SRP68: variants seen among roughly 807,000 people sequenced by gnomAD.
The protein encoded by SRP68 is signal recognition particle 68, also known as signal recognition particle subunit SRP68.
SRP68 carries 15 observed loss-of-function variants against 82.2 expected under a neutral mutation model. The ratio of observed to expected loss-of-function variants is 0.18; its 90% CI spans 0.12 to 0.28. SRP68 has a LOEUF of 0.28. Among genes scored for constraint, SRP68 ranks in the 10% least tolerant of loss-of-function variants. SRP68 has a pLI of 1.00. For synonymous variants in SRP68, 261 were observed against 292.6 expected, an observed-to-expected ratio of 0.89 and a Z score of 1.10; for missense variants, 595 against 780.5, an observed-to-expected ratio of 0.76 and a Z score of 2.83.
intron 7 of SRP68, 45 bp downstream of exon 7, chr17:76,060,263 G>T: frequency 7.5e-7 from 1 of 1,338,766 alleles, no homozygotes; most frequent in Non-Finnish European, 1.1e-6. Context: ...ACTCCTTCTG[G>T]ACTTTGTCCA....
rs1473240115 is a variant in SRP68 at position 76,039,131 on chromosome 17, G to A, written c.*575C>T. 2 of 326,736 alleles carry A rather than the reference G, an allele frequency of 6.1e-6. No homozygotes were observed. The highest frequency in any genetic ancestry group is 1.2e-5 in the Non-Finnish European group (2 of 162,386). The allele number at this position is 326,736 out of a possible 1,614,324, so 20.2% of individuals were successfully genotyped here. A position where few individuals can be genotyped will look rare whatever the true frequency, so the allele number is the denominator to read the frequency against. On this transcript the variant is annotated 3_prime_UTR_variant, in exon 16 of 16. Coordinates refer to ENST00000307877, the MANE Select transcript of SRP68 (RefSeq NM_014230.4). ...CCGTCATCTTTGCCTTTTAATATAA[G>A]ATTTGGTTTCATCATTTCTGAGTGT...
intron 3 of SRP68, among the ~76,000 whole-genome samples, chr17:76,065,721 TG>T (rs573528656): frequency 3.5e-4 from 54 of 152,288 alleles, no homozygotes; most frequent in Non-Finnish European, 6.3e-4. Context: ...CTCCTCTGTG[TG>T]GGCTTACTGA....
In SRP68 at chr17:76,047,900, C is replaced by A. The variant is rs1397570023; in HGVS notation, c.1142+6G>T. ...TAAAAAGTAAAAAAATTAAAATAAC[C>A]CTTACCTATGCAAGTATTGAAGATT... On this transcript the variant is annotated splice_donor_region_variant and intron_variant, in intron 10 of 15. Coordinates refer to ENST00000307877, the MANE Select transcript of SRP68 (RefSeq NM_014230.4). 1 of 1,495,804 alleles carries A rather than the reference C, an allele frequency of 6.7e-7. No individual in the cohort carries two copies. Among genetic ancestry groups the A allele is most frequent in the Non-Finnish European group, 9.0e-7 (1 of 1,108,090 alleles). 92.7% of individuals were successfully genotyped at this position (1,495,804 alleles called of 1,614,324 possible).
intron 1 of SRP68, among the ~76,000 whole-genome samples, 154 bp from the exon 2 acceptor site, chr17:76,070,598 TG>T (rs2066843610): frequency 6.6e-6 from 1 of 152,102 alleles, no homozygotes; most frequent in African/African-American, 2.4e-5. Context: ...CCCAGCACTG[TG>T]GGAGGCCGAG....
Position 76,072,450 on chromosome 17 carries a change from G to A in SRP68, c.42C>T (p.Gly14=), listed in dbSNP as rs542137334. 2.9e-5 allele frequency: 45 copies of A among 1,575,408 alleles called. No homozygotes were observed. The highest frequency in any genetic ancestry group is 2.6e-4 in the African/African-American group (19 of 73,788). Residue 14 remains glycine, a synonymous_variant, in exon 1 of 16, where the codon GGC becomes GGT. Coordinates refer to ENST00000307877, the MANE Select transcript of SRP68 (RefSeq NM_014230.4). The surrounding 1 kb of genome is among the most constrained non-coding windows in gnomAD (Gnocchi z 4.5). ...EKQVPGGGGG[G]GSGGGGGSGG... ...CACTGCCACCGCCGCCGCCACTGCC[G>A]CCGCCGCCGCCGCCGCCTGGGACCT...
chr17:76,045,041 G>A (rs964178358), intron 12 of SRP68: 8 of 346,138 alleles, frequency 2.3e-5, no homozygotes, highest in African/African-American at 1.1e-4. Flanking sequence ...CGCGCCCAGC[G>A]AGGAAGCCAA....
Position 76,045,315 on chromosome 17 carries a change from C to T in SRP68, c.1371G>A (p.Lys457=), listed in dbSNP as rs555958320. The part of the protein sequence containing the change: ...DKAFQKEIGL[K]TLVFKAYRCF... ...ACCTGTAAGCTTTGAACACCAGAGTCTTGAGGCCTATCTCTTTCTGGAAGG... is the reference window on the plus strand; with the variant it reads ...ACCTGTAAGCTTTGAACACCAGAGTTTTGAGGCCTATCTCTTTCTGGAAGG... The change falls in exon 12 of 16, where the codon AAG becomes AAA. Residue 457 remains lysine, a synonymous_variant. Transcript: ENST00000307877. The T allele has an allele frequency of 1.9e-5, 31 of 1,613,818 alleles. 2 individuals carry two copies. The South Asian group carries it at 3.2e-4, about 17-fold the overall frequency.
intron 2 of SRP68, among the ~76,000 whole-genome samples, chr17:76,069,170 T>C (rs1476517577): frequency 2.0e-5 from 3 of 150,644 alleles, no homozygotes; most frequent in Non-Finnish European, 1.5e-5. Flanking sequence ...GGCAGATCAC[T>C]TGAGGTCAGG....
intron 12 of SRP68, 129 bp from the exon 13 acceptor site, chr17:76,044,087 G>T: frequency 9.9e-7 from 1 of 1,011,754 alleles, no homozygotes; most frequent in Non-Finnish European, 1.4e-6. Context: ...CCGCATGGGA[G>T]CCCCCTTCAT....
intron 4 of SRP68, 85 bp from the exon 5 acceptor site, chr17:76,061,659 A>T (rs910568209): frequency 8.9e-7 from 1 of 1,124,050 alleles, no homozygotes; most frequent in African/African-American, 1.6e-5. Context: ...TCTAACTTTG[A>T]TATCAAGAAT....
At chr17:76,070,222 C>CAAAAAAAAAAAAAAA (rs386386662) in intron 2 of SRP68, among the ~76,000 whole-genome samples, 156 bp downstream of exon 2, 1 of 95,514 alleles carries the variant, frequency 1.0e-5, no homozygotes, top group African/African-American at 4.0e-5. Context: ...GACTCCATCT[C>CAAAAAAAAAAAAAAA]AAAAAAAAAA....
Position 76,041,945 on chromosome 17 carries a change from G to A in SRP68, c.1525-967C>T, listed in dbSNP as rs911959990. Among the ~76,000 whole-genome samples, 5 of 151,852 alleles carry A rather than the reference G, an allele frequency of 3.3e-5. No homozygotes were observed. In the East Asian group the frequency reaches 9.8e-4, roughly 30 times the overall value. ...TCTCACTCTGTTGCCGCCCAGGGGC[G>A]TGATCTTGGCTCACTGCAAGCTCCG... On this transcript the variant is annotated intron_variant, in intron 13 of 15. Transcript: ENST00000307877.
At chr17:76,061,675 T>C in intron 4 of SRP68, 101 bp from the exon 5 acceptor site, 4 of 988,836 alleles carry the variant, frequency 4.0e-6, no homozygotes, top group Admixed American at 4.0e-5. Flanking sequence ...AGAATATGGA[T>C]ATGGGCCAGG....
At chr17:76,066,925 G>A (rs2066811628) in intron 3 of SRP68, among the ~76,000 whole-genome samples, 1 of 151,912 alleles carries the variant, frequency 6.6e-6, no homozygotes, top group Non-Finnish European at 1.5e-5. Flanking sequence ...TAGGGGTTTT[G>A]CCATGTTGGC....
intron 3 of SRP68, among the ~76,000 whole-genome samples, chr17:76,064,454 T>C (rs1195127789): frequency 3.9e-5 from 6 of 152,170 alleles, no homozygotes; most frequent in South Asian, 2.1e-4. Context: ...CCCTCCTGAA[T>C]GTTGTCAAAC....
At chr17:76,043,735 G>T in intron 13 of SRP68, 94 bp downstream of exon 13, 1 of 1,392,820 alleles carries the variant, frequency 7.2e-7, no homozygotes. Context: ...GGACCAGCCT[G>T]AGGTGGCGCC....
chr17:76,066,719 T>A (rs190030112), intron 3 of SRP68, among the ~76,000 whole-genome samples: 3 of 148,918 alleles, frequency 2.0e-5, no homozygotes, highest in African/African-American at 7.4e-5. Context: ...AGACAGTGAA[T>A]CTCACCCCCT....
chr17:76,045,113 T>TTTAG, intron 12 of SRP68, 179 bp downstream of exon 12: 1 of 578,372 alleles, frequency 1.7e-6, no homozygotes, highest in South Asian at 2.1e-5. Context: ...CACTGGCCAC[T>TTTAG]ACTGACCACA....
intron 13 of SRP68, among the ~76,000 whole-genome samples, chr17:76,043,095 T>C (rs1229042324): frequency 6.6e-6 from 1 of 151,154 alleles, no homozygotes; most frequent in Non-Finnish European, 1.5e-5. Flanking sequence ...GAGACCCCCA[T>C]CTCTACAAAA....
Sources: gnomAD v4.1 joint callset for allele counts (sites outside exome capture counted in the v4.1 genomes callset) on GRCh38, gnomAD v4.1.1 for gene constraint, Gnocchi (gnomAD v3.1) non-coding constraint, MANE v1.5 for transcripts, NCBI Gene and HGNC (gene_info 2026-07-23, HGNC 2026-07-21) for gene names.